The following FYN variants were observed in gnomAD, a reference collection of about 807,000 sequenced individuals.
FYN encodes the protein tyrosine-protein kinase Fyn.
A neutral mutation model predicts 70.2 loss-of-function variants in FYN; 10 were observed. The observed-to-expected ratio is 0.14, with a 90% confidence interval of 0.09 to 0.24. The LOEUF is 0.24. Ranked by LOEUF, FYN falls within the 10% of genes least tolerant of loss-of-function variation. The pLI is 1.00. For synonymous variants in FYN, 236 were observed against 248.6 expected, an observed-to-expected ratio of 0.95 and a Z score of 0.48; for missense variants, 319 against 673.1, an observed-to-expected ratio of 0.47 and a Z score of 5.82.
chr6:111,772,218 C>A (rs1241203217), intron 3 of FYN, among the ~76,000 whole-genome samples: 1 of 152,088 alleles, frequency 6.6e-6, no homozygotes, highest in Non-Finnish European at 1.5e-5. Context: ...CTAATCACAG[C>A]AAAATCCAGG....
chr6:111,702,541 G>A (rs987284415), intron 8 of FYN: 5 of 182,252 alleles, frequency 2.7e-5, no homozygotes, highest in Non-Finnish European at 5.6e-5. Flanking sequence ...CCATGTAAGC[G>A]CCCTCCGAGA....
chr6:111,771,241 C>T (rs1042171548), intron 3 of FYN, among the ~76,000 whole-genome samples: 4 of 152,116 alleles, frequency 2.6e-5, no homozygotes, highest in African/African-American at 9.7e-5. Flanking sequence ...GACATGTTAA[C>T]ACAGTTAAAG....
At chr6:111,738,925 C>T (rs1801824357) in intron 3 of FYN, among the ~76,000 whole-genome samples, 1 of 152,060 alleles carries the variant, frequency 6.6e-6, no homozygotes, top group African/African-American at 2.4e-5. Flanking sequence ...TGTGAAGCTG[C>T]CCTCCCTCCT....
intron 3 of FYN, among the ~76,000 whole-genome samples, chr6:111,748,631 A>T (rs1024964837): frequency 5.3e-5 from 8 of 152,208 alleles, no homozygotes; most frequent in African/African-American, 1.4e-4. Flanking sequence ...GCAAGCACTA[A>T]CCACATGTGG....
chr6:111,834,270 A>G (rs11961774), intron 2 of FYN, among the ~76,000 whole-genome samples: 30,832 of 149,886 alleles, frequency 0.21, 4,819 homozygotes, highest in African/African-American at 0.47. Context: ...GAGTAAGAGG[A>G]TTGTTTATTT....
chr6:111,681,547 C>G (rs1798781459), intron 12 of FYN, among the ~76,000 whole-genome samples: 1 of 152,190 alleles, frequency 6.6e-6, no homozygotes, highest in African/African-American at 2.4e-5. Flanking sequence ...CATGCTCACA[C>G]TTGTTTCTTT....
intron 2 of FYN, among the ~76,000 whole-genome samples, chr6:111,826,251 C>G (rs964803528): frequency 2.0e-5 from 3 of 152,098 alleles, no homozygotes; most frequent in South Asian, 2.1e-4. Flanking sequence ...TTATGGCACA[C>G]TAGTTGGCCT....
intron 1 of FYN, among the ~76,000 whole-genome samples, chr6:111,855,285 C>T (rs1306059437): frequency 6.6e-6 from 1 of 152,062 alleles, no homozygotes; most frequent in African/African-American, 2.4e-5. Context: ...GTAAATGCTA[C>T]TGTAAATTGT....
chr6:111,851,485 G>C (rs1219097652), intron 1 of FYN, among the ~76,000 whole-genome samples: 1 of 152,166 alleles, frequency 6.6e-6, no homozygotes, highest in Non-Finnish European at 1.5e-5. Context: ...CAACCAAAAG[G>C]GGAAGGGACC....
chr6:111,869,809 C>A (rs1225279353), intron 1 of FYN, among the ~76,000 whole-genome samples: 1 of 152,156 alleles, frequency 6.6e-6, no homozygotes, highest in African/African-American at 2.4e-5. Context: ...AAAGTCAACA[C>A]AGGAAGCATC....
Position 111,872,170 on chromosome 6 carries a change from C to A in FYN, c.-123+798G>T, listed in dbSNP as rs553377298. Among the ~76,000 whole-genome samples the A allele has an allele frequency of 2.9e-4, 44 of 152,222 alleles. No individual in the cohort carries two copies. In the South Asian group the frequency reaches 3.1e-3, roughly 11 times the overall value. On this transcript the variant is annotated intron_variant, in intron 1 of 13. Transcript: ENST00000354650. ...TCCCTCTTCCCAGTGAGTCCCAGCA[C>A]ATCTCTGCTGGGCCCAAGCTCGGTG...
At position 111,694,539 on chromosome 6, in the gene FYN, C is replaced by G; in HGVS notation, c.1120-11G>C. On this transcript the variant is annotated splice_polypyrimidine_tract_variant and intron_variant, in intron 11 of 13. Transcript: ENST00000354650. This position sits in a 1 kb window ranked among gnomAD's most constrained non-coding sequence, Gnocchi z 5.0. ...CATTCCTGCAGCCACCTGTGGAAAC[C>G]CAGGGAACAGGACATGTTACACCAC... is the stretch of plus-strand genomic sequence containing the variant. The G allele has an allele frequency of 6.2e-7, 1 of 1,614,056 alleles. No homozygotes were observed.
chr6:111,748,013 G>A (rs183607075), intron 3 of FYN, among the ~76,000 whole-genome samples: 1 of 152,294 alleles, frequency 6.6e-6, no homozygotes, highest in African/African-American at 2.4e-5. Flanking sequence ...TGGGAGCTGT[G>A]AAATATGAGG....
intron 1 of FYN, among the ~76,000 whole-genome samples, chr6:111,865,003 A>G (rs1354399532): frequency 6.6e-6 from 1 of 152,196 alleles, no homozygotes; most frequent in Non-Finnish European, 1.5e-5. Context: ...TCTATGGTGT[A>G]TTCAGGGAGG....
intron 2 of FYN, among the ~76,000 whole-genome samples, chr6:111,845,929 C>G (rs972490100): frequency 9.2e-5 from 14 of 152,192 alleles, no homozygotes; most frequent in African/African-American, 3.4e-4. Context: ...CCCACTCCAT[C>G]ATGGAGTTTT....
chr6:111,710,608 T>A (rs1354400854), intron 5 of FYN, among the ~76,000 whole-genome samples: 3 of 152,214 alleles, frequency 2.0e-5, no homozygotes, highest in Non-Finnish European at 4.4e-5. Flanking sequence ...AAAGGAGACA[T>A]AAAGTGACAA....
At chr6:111,830,279 CAG>C (rs1772974539) in intron 2 of FYN, among the ~76,000 whole-genome samples, 2 of 152,116 alleles carry the variant, frequency 1.3e-5, no homozygotes, top group Admixed American at 1.3e-4. Context: ...GATGGGATAA[CAG>C]TGGTTTGAGA....
intron 3 of FYN, among the ~76,000 whole-genome samples, chr6:111,766,193 A>G (rs554582394): frequency 3.0e-4 from 46 of 152,184 alleles, no homozygotes; most frequent in Non-Finnish European, 4.1e-4. Context: ...GGACATGAGA[A>G]AGTTGAGTCA....
chr6:111,741,322 C>G (rs1260107000), intron 3 of FYN, among the ~76,000 whole-genome samples: 1 of 152,070 alleles, frequency 6.6e-6, no homozygotes, highest in Non-Finnish European at 1.5e-5. Flanking sequence ...CCATAATGCC[C>G]AAAACTGTGC....
Sources: gnomAD v4.1 joint callset for allele counts (sites outside exome capture counted in the v4.1 genomes callset) on GRCh38, gnomAD v4.1.1 for gene constraint, Gnocchi (gnomAD v3.1) non-coding constraint, MANE v1.5 for transcripts, NCBI Gene and HGNC (gene_info 2026-07-23, HGNC 2026-07-21) for gene names.